The following GDI2 variants were observed in gnomAD, a reference collection of about 807,000 sequenced individuals.
GDI2 encodes GDP dissociation inhibitor 2, also known as rab GDP dissociation inhibitor beta.
In GDI2, 22 loss-of-function variants were observed where a neutral mutation model predicts 54.2. The ratio of observed to expected loss-of-function variants is 0.41; its 90% confidence interval spans 0.29 to 0.58. The LOEUF (loss-of-function observed/expected upper bound fraction) is 0.58. Among genes scored for constraint, GDI2 ranks in the 20% least tolerant of loss-of-function variants. The probability of loss-of-function intolerance (pLI) is 0.35; values close to 1 mark genes in which losing one functional copy is unlikely to be tolerated. For missense variants in GDI2, 422 were observed against 546.0 expected (o/e 0.77, Z 2.26); for synonymous variants, 177 against 182.1 (o/e 0.97, Z 0.23).
intron 1 of GDI2, among the ~76,000 whole-genome samples, chr10:5,807,017 C>T (rs1438567377): frequency 6.6e-6 from 1 of 152,174 alleles, no homozygotes; most frequent in African/African-American, 2.4e-5. Context: ...CTGACAGCAA[C>T]TACCTTCAAA....
rs1564393011 is a variant in GDI2, at chr10:5,785,135, C to CTCT, written c.719+4_719+6dup. Reference sequence around the variant, plus strand: ...GGATCACTGAGGTTTTAAACACAGGCTCTTACCTTGCAAATCCTTGGGGCA... The same window carrying CTCT: ...GGATCACTGAGGTTTTAAACACAGGCTCTTCTTACCTTGCAAATCCTTGGGGCA... On this transcript the variant is annotated splice_region_variant and intron_variant, in intron 6 of 10. Transcript: ENST00000380191. The CTCT allele has an allele frequency of 1.3e-6, 2 of 1,582,104 alleles. No homozygotes were observed.
At chr10:5,772,569 C>G (rs1006944923) in intron 7 of GDI2, among the ~76,000 whole-genome samples, 1 of 152,004 alleles carries the variant, frequency 6.6e-6, no homozygotes, top group Non-Finnish European at 1.5e-5. Context: ...CCAGCCTGGC[C>G]AACATGGTGA....
At chr10:5,809,158 C>A (rs1841438294) in intron 1 of GDI2, among the ~76,000 whole-genome samples, 1 of 150,356 alleles carries the variant, frequency 6.7e-6, no homozygotes, top group Admixed American at 6.8e-5. Context: ...GACAGGAGAA[C>A]TGCTTGAACC....
In GDI2 at chr10:5,782,777, TA is replaced by T. The variant is rs1459560952; in HGVS notation, c.719+2364del. ...GGTGAAACCCCATCACTACTAAATA[TA>T]AAAAATTAGCCGGATGTGGTGGTGC... is the stretch of plus-strand genomic sequence containing the variant. On this transcript the variant is annotated intron_variant, in intron 6 of 10. Transcript: ENST00000380191. Among the ~76,000 whole-genome samples, 9 of 151,938 alleles carry T rather than the reference TA, an allele frequency of 5.9e-5. 1 individual carries two copies. Among genetic ancestry groups the T allele is most frequent in the Admixed American group, 5.2e-4 (8 of 15,258 alleles).
chr10:5,772,377 A>G (rs1384602083), intron 7 of GDI2, among the ~76,000 whole-genome samples: 3 of 152,248 alleles, frequency 2.0e-5, no homozygotes, highest in African/African-American at 4.8e-5. Context: ...TTTAAAGCAG[A>G]TAAGCCAATC....
At position 5,801,960 on chromosome 10, in the gene GDI2, A is replaced by G. The variant is rs144097350; in HGVS notation, c.46-1255T>C. Among the ~76,000 whole-genome samples, 163 of 152,268 alleles carry G rather than the reference A, an allele frequency of 1.1e-3. 3 individuals carry two copies. The East Asian group carries it at 0.022, about 21-fold the overall frequency. ...GAGGCAGAGGCTGCTGTGAGCTGAGACCACGCCACTGCACTCCAGCCTGGG... is the reference window on the plus strand; with the variant it reads ...GAGGCAGAGGCTGCTGTGAGCTGAGGCCACGCCACTGCACTCCAGCCTGGG... On this transcript the variant is annotated intron_variant, in intron 1 of 10. Transcript: ENST00000380191.
chr10:5,788,304 T>C (rs1185781238), intron 4 of GDI2, among the ~76,000 whole-genome samples: 1 of 152,118 alleles, frequency 6.6e-6, no homozygotes, highest in Non-Finnish European at 1.5e-5. Context: ...TAGTCCCTAC[T>C]AGGTAGATAA....
chr10:5,784,142 T>C (rs1254574204), intron 6 of GDI2, among the ~76,000 whole-genome samples: 2 of 152,214 alleles, frequency 1.3e-5, no homozygotes, highest in South Asian at 2.1e-4. Flanking sequence ...TTCTTTTTTG[T>C]CTTTGTCAGA....
intron 4 of GDI2, among the ~76,000 whole-genome samples, chr10:5,790,042 C>A (rs1026393033): frequency 6.6e-6 from 1 of 152,194 alleles, no homozygotes; most frequent in Non-Finnish European, 1.5e-5. Flanking sequence ...TAGTGCAACA[C>A]CATAAACACT....
Position 5,766,100 on chromosome 10 carries a change from T to A in GDI2, c.1244A>T (p.Asp415Val). 1 of 1,611,940 alleles carries A rather than the reference T, an allele frequency of 6.2e-7. No individual in the cohort carries two copies. Among genetic ancestry groups the A allele is most frequent in the Non-Finnish European group, 8.5e-7 (1 of 1,178,708 alleles). Reference sequence around the variant, plus strand: ...CCTCTTATAGATGTTTTTAATGTCATCACACGTTGTCTCAAAATGAGTGGT... The same window carrying A: ...CCTCTTATAGATGTTTTTAATGTCAACACACGTTGTCTCAAAATGAGTGGT... ...DATTHFETTC[D>V]DIKNIYKRMT... Residue 415 changes from aspartate (D) to valine (V), a missense_variant, in exon 11 of 11, where the codon GAT becomes GTT. Coordinates refer to ENST00000380191, the MANE Select transcript of GDI2 (RefSeq NM_001494.4). The surrounding 1 kb of genome is among the most constrained non-coding windows in gnomAD (Gnocchi z 5.8).
At position 5,774,028 on chromosome 10, in the gene GDI2, C is replaced by T; in HGVS notation, c.720-87G>A. 1 of 634,394 alleles carries T rather than the reference C, an allele frequency of 1.6e-6. No individual in the cohort carries two copies. 39.3% of individuals were successfully genotyped at this position (634,394 alleles called of 1,614,324 possible). A position where few individuals can be genotyped will look rare whatever the true frequency, so the allele number is the denominator to read the frequency against. On this transcript the variant is annotated intron_variant, in intron 6 of 10. Coordinates refer to ENST00000380191, the MANE Select transcript of GDI2 (RefSeq NM_001494.4). This position sits in a 1 kb window ranked among gnomAD's most constrained non-coding sequence, Gnocchi z 4.8. ...TTCTTAGATCTTAATGAGTTACAGACAATATACATTTGTTCAATTTCCTTC... is the reference window on the plus strand; with the variant it reads ...TTCTTAGATCTTAATGAGTTACAGATAATATACATTTGTTCAATTTCCTTC...
intron 5 of GDI2, among the ~76,000 whole-genome samples, chr10:5,785,527 A>G (rs1482214395): frequency 2.6e-5 from 4 of 152,104 alleles, no homozygotes; most frequent in African/African-American, 9.7e-5. Context: ...GGGACGCACC[A>G]CTACCGCCCA....
At chr10:5,770,302 T>A (rs1782805922) in intron 7 of GDI2, among the ~76,000 whole-genome samples, 2 of 152,208 alleles carry the variant, frequency 1.3e-5, no homozygotes, top group African/African-American at 2.4e-5. Context: ...CTCACACCTA[T>A]AAAATCCCAG....
At position 5,768,336 on chromosome 10, in the gene GDI2, G is replaced by C. The variant is rs533312902; in HGVS notation, c.868C>G (p.Arg290Gly). 6.2e-7 allele frequency: 1 copy of C among 1,613,144 alleles called. No individual in the cohort carries two copies. Among genetic ancestry groups the C allele is most frequent in the Non-Finnish European group, 8.5e-7 (1 of 1,179,106 alleles). Residue 290 changes from arginine to glycine, a missense_variant, in exon 8 of 11, where the codon CGG (arginine) becomes GGG (glycine). Arg to Gly is a moderately radical substitution (Grantham distance 125). Transcript: ENST00000380191. This position sits in a 1 kb window ranked among gnomAD's most constrained non-coding sequence, Gnocchi z 4.4. ...LICDPSYVKD[R>G]VEKVGQVIRV... Reference sequence around the variant, plus strand: ...ATCACCTGGCCCACTTTTTCTACCCGATCTTTTACGTAGCTGGGGTCACAG... The same window carrying C: ...ATCACCTGGCCCACTTTTTCTACCCCATCTTTTACGTAGCTGGGGTCACAG...
chr10:5,811,744 A>C (rs556965790), intron 1 of GDI2: 1 of 282,998 alleles, frequency 3.5e-6, no homozygotes, highest in Admixed American at 5.3e-5. Context: ...TTTCAAAGAC[A>C]GACACAGGAT....
Position 5,771,960 on chromosome 10 carries a change from C to T in GDI2, c.819+1882G>A, listed in dbSNP as rs182919757. On this transcript the variant is annotated intron_variant, in intron 7 of 10. Coordinates refer to ENST00000380191, the MANE Select transcript of GDI2 (RefSeq NM_001494.4). The stretch of plus-strand genomic sequence containing the variant: ...CAAAAATTAGCTGGGCATGGTGGCA[C>T]ATGCCTGTAGTCCCAGCTACTTGGG... 3.2e-3 allele frequency among the ~76,000 whole-genome samples: 491 copies of T among 152,002 alleles called. 1 individual carries two copies. Among genetic ancestry groups the T allele is most frequent in the African/African-American group, 0.011 (467 of 41,466 alleles).
chr10:5,771,364 G>A (rs142591497), intron 7 of GDI2, among the ~76,000 whole-genome samples: 89 of 152,286 alleles, frequency 5.8e-4, no homozygotes, highest in South Asian at 2.9e-3. Flanking sequence ...ATTCAGCCAC[G>A]TCCAGCCCCT....
intron 6 of GDI2, among the ~76,000 whole-genome samples, chr10:5,783,679 G>GA (rs1196262090): frequency 3.3e-5 from 5 of 152,158 alleles, no homozygotes; most frequent in African/African-American, 7.2e-5. Flanking sequence ...TTGTTTGTGT[G>GA]AAAAAGACTA....
intron 7 of GDI2, among the ~76,000 whole-genome samples, chr10:5,770,324 G>A (rs1840457604): frequency 6.6e-6 from 1 of 152,202 alleles, no homozygotes; most frequent in Non-Finnish European, 1.5e-5. Context: ...ACTTTGGGAG[G>A]CCAAGGTGGG....
Sources: gnomAD v4.1 joint callset for allele counts (sites outside exome capture counted in the v4.1 genomes callset) on GRCh38, gnomAD v4.1.1 for gene constraint, Gnocchi (gnomAD v3.1) non-coding constraint, MANE v1.5 for transcripts, NCBI Gene and HGNC (gene_info 2026-07-23, HGNC 2026-07-21) for gene names.